ASZ1: variants seen among roughly 807,000 people sequenced by gnomAD.
The protein encoded by ASZ1 is ankyrin repeat, SAM and basic leucine zipper domain-containing protein 1.
ASZ1 carries 67 observed loss-of-function variants against 61.8 expected under a neutral mutation model. The ratio of observed to expected loss-of-function variants is 1.08; its 90% CI spans 0.89 to 1.33. ASZ1 has a LOEUF of 1.33. Among genes scored for constraint, ASZ1 ranks in the 40% most tolerant of loss-of-function variants. ASZ1 has a pLI of 0.00. For missense variants in ASZ1, 577 were observed against 554.5 expected (o/e 1.04, Z -0.41); for synonymous variants, 193 against 192.7 (o/e 1.00, Z -0.01).
In ASZ1 at chr7:117,363,640, C is replaced by A. The variant is rs199934920; in HGVS notation, c.1384G>T (p.Gly462Cys). 6.2e-7 allele frequency: 1 copy of A among 1,602,204 alleles called. No individual in the cohort carries two copies. Among genetic ancestry groups the A allele is most frequent in the Admixed American group, 1.7e-5 (1 of 58,038 alleles). Residue 462 changes from glycine (G) to cysteine (C), a missense_variant, in exon 13 of 13, where the codon GGT becomes TGT. Physicochemically the swap from Gly to Cys is radical, Grantham distance 159. Coordinates refer to ENST00000284629, the MANE Select transcript of ASZ1 (RefSeq NM_130768.3). Reference sequence around the variant, plus strand: ...AGCTTGCAAATGAAAAGAAGAAAACCGAATCCGCATATGGTAATAGCTGTC... The same window carrying A: ...AGCTTGCAAATGAAAAGAAGAAAACAGAATCCGCATATGGTAATAGCTGTC... Reference protein sequence around the residue: ...KRTAITICGFGFLLFICKLTF... With the variant: ...KRTAITICGFCFLLFICKLTF...
intron 6 of ASZ1, among the ~76,000 whole-genome samples, chr7:117,384,412 T>A (rs1359519431): frequency 6.6e-6 from 1 of 152,156 alleles, no homozygotes; most frequent in Non-Finnish European, 1.5e-5. Context: ...ACTAAATTAC[T>A]TTTAAAATTC....
chr7:117,405,733 A>C (rs1183003486), intron 4 of ASZ1, among the ~76,000 whole-genome samples: 1 of 152,186 alleles, frequency 6.6e-6, no homozygotes, highest in African/African-American at 2.4e-5. Context: ...TCAAATAGGG[A>C]TAGCACCATG....
At position 117,384,717 on chromosome 7, in the gene ASZ1, G is replaced by C; in HGVS notation, c.687+9C>G. 1 of 1,610,084 alleles carries C rather than the reference G, an allele frequency of 6.2e-7. No homozygotes were observed. Among genetic ancestry groups the C allele is most frequent in the South Asian group, 1.1e-5 (1 of 90,796 alleles). Reference sequence around the variant, plus strand: ...ACAGAAAATAAGTTTAATATGTACAGAAGGATACCTCATGATGTTTGTTTC... The same window carrying C: ...ACAGAAAATAAGTTTAATATGTACACAAGGATACCTCATGATGTTTGTTTC... On this transcript the variant is annotated intron_variant, in intron 6 of 12. Transcript: ENST00000284629.
chr7:117,391,838 G>C (rs1156406792), intron 4 of ASZ1, among the ~76,000 whole-genome samples: 1 of 151,978 alleles, frequency 6.6e-6, no homozygotes, highest in Non-Finnish European at 1.5e-5. Context: ...CTGTTGCCAG[G>C]CTGGAGTGCA....
At chr7:117,378,570 G>A (rs1796181076) in intron 10 of ASZ1, among the ~76,000 whole-genome samples, 1 of 152,064 alleles carries the variant, frequency 6.6e-6, no homozygotes, top group South Asian at 2.1e-4. Flanking sequence ...TCACTCATAA[G>A]CTTGCTAGAA....
intron 4 of ASZ1, among the ~76,000 whole-genome samples, chr7:117,417,254 C>T (rs1172251603): frequency 3.9e-5 from 6 of 152,002 alleles, no homozygotes; most frequent in East Asian, 1.9e-4. Flanking sequence ...ATCTAGCTTT[C>T]GCAAAATCTA....
At chr7:117,367,583 T>C in intron 11 of ASZ1, 118 bp from the exon 12 acceptor site, 1 of 1,191,614 alleles carries the variant, frequency 8.4e-7, no homozygotes, top group Admixed American at 4.2e-5. Context: ...AAGGCATTTT[T>C]TTGTTTAGGA....
At chr7:117,389,788 G>A (rs1796428123) in intron 4 of ASZ1, among the ~76,000 whole-genome samples, 1 of 152,154 alleles carries the variant, frequency 6.6e-6, no homozygotes, top group African/African-American at 2.4e-5. Flanking sequence ...GAAGGCATGA[G>A]CCTGGCCATT....
At chr7:117,397,259 C>T (rs78020441) in intron 4 of ASZ1, among the ~76,000 whole-genome samples, 3,459 of 151,872 alleles carry the variant, frequency 0.023, 130 homozygotes, top group African/African-American at 0.079. Flanking sequence ...CCAAACCAAA[C>T]GCAATAAAAA....
In ASZ1 at chr7:117,379,133, T is replaced by TTATATATA. The variant is rs370500034; in HGVS notation, c.1055+797_1055+804dup. Reference sequence around the variant, plus strand: ...ACATGAAGCTATAAATGTGATAAAATTATATATATATATATATATATATAT... The same window carrying TTATATATA: ...ACATGAAGCTATAAATGTGATAAAATTATATATATATATATATATATATATATATATAT... On this transcript the variant is annotated intron_variant, in intron 10 of 12. Coordinates refer to ENST00000284629, the MANE Select transcript of ASZ1 (RefSeq NM_130768.3). Among the ~76,000 whole-genome samples the TTATATATA allele has an allele frequency of 4.0e-4, 42 of 104,672 alleles. No homozygotes were observed. In the South Asian group the frequency reaches 4.7e-3, roughly 12 times the overall value. The allele number at this position is 104,672 out of a possible 152,430, so 68.7% of individuals were successfully genotyped here.
intron 4 of ASZ1, among the ~76,000 whole-genome samples, chr7:117,415,885 T>C (rs145853417): frequency 2.0e-5 from 3 of 152,168 alleles, no homozygotes; most frequent in Non-Finnish European, 4.4e-5. Flanking sequence ...CAATAAACAA[T>C]TCAGTAGGTA....
rs1286566711 is a variant in ASZ1, at chr7:117,385,943, G to T, written c.441-134C>A. On this transcript the variant is annotated intron_variant, in intron 4 of 12. Transcript: ENST00000284629. The stretch of plus-strand genomic sequence containing the variant: ...GAAATGAAAGCTTTTGCTAAATCAG[G>T]TGATTTAAAAATCCAACCTTCCTGC... The T allele has an allele frequency of 1.1e-5, 8 of 714,514 alleles. No individual in the cohort carries two copies. In the Admixed American group the frequency reaches 2.3e-4, roughly 20 times the overall value. The allele number at this position is 714,514 out of a possible 1,614,324, so 44.3% of individuals were successfully genotyped here.
At chr7:117,377,542 A>T (rs745373806) in intron 10 of ASZ1, among the ~76,000 whole-genome samples, 1 of 152,260 alleles carries the variant, frequency 6.6e-6, no homozygotes, top group Non-Finnish European at 1.5e-5. Context: ...AATATATTTT[A>T]AAAAAAGAAA....
intron 10 of ASZ1, among the ~76,000 whole-genome samples, chr7:117,369,567 T>C (rs1031351309): frequency 2.0e-5 from 3 of 152,148 alleles, no homozygotes; most frequent in African/African-American, 4.8e-5. Flanking sequence ...CAAGAGATGA[T>C]GAAGGAAAAC....
intron 10 of ASZ1, among the ~76,000 whole-genome samples, chr7:117,377,351 A>C (rs1446539244): frequency 2.0e-5 from 3 of 151,768 alleles, no homozygotes; most frequent in African/African-American, 7.3e-5. Flanking sequence ...CAAAGTGGAG[A>C]CTCTGTCTCT....
intron 4 of ASZ1, among the ~76,000 whole-genome samples, chr7:117,412,928 T>C (rs1031066961): frequency 6.6e-6 from 1 of 151,936 alleles, no homozygotes; most frequent in Non-Finnish European, 1.5e-5. Context: ...ATTGAAGATT[T>C]ACTATGTCAA....
At chr7:117,382,001 T>C in intron 8 of ASZ1, 68 bp downstream of exon 8, 1 of 1,010,722 alleles carries the variant, frequency 9.9e-7, no homozygotes, top group South Asian at 1.4e-5. Context: ...TGAATTAATA[T>C]CTAACATTAT....
At chr7:117,421,264 G>C (rs1298249331) in intron 3 of ASZ1, among the ~76,000 whole-genome samples, 1 of 152,096 alleles carries the variant, frequency 6.6e-6, no homozygotes, top group African/African-American at 2.4e-5. Context: ...CCAGGCTGGA[G>C]TGCAGTAGCA....
chr7:117,425,063 C>G (rs1294474009), intron 2 of ASZ1, among the ~76,000 whole-genome samples: 1 of 152,132 alleles, frequency 6.6e-6, no homozygotes, highest in Non-Finnish European at 1.5e-5. Context: ...TAATCAAACC[C>G]AGATCTGTCT....
Sources: allele counts gnomAD v4.1 joint callset (sites outside exome capture counted in the v4.1 genomes callset), GRCh38; gene constraint gnomAD v4.1.1; transcripts MANE v1.5; gene names NCBI Gene and HGNC (gene_info 2026-07-23, HGNC 2026-07-21).